The following POU2F3 variants were observed in gnomAD, a reference collection of about 807,000 sequenced individuals.
POU2F3 encodes the protein POU class 2 homeobox 3, also known as POU domain, class 2, transcription factor 3.
In POU2F3, 23 loss-of-function variants were observed where a neutral mutation model predicts 59.2. The ratio of observed to expected loss-of-function variants is 0.39; its 90% CI spans 0.28 to 0.55. The LOEUF is 0.55. POU2F3 is among the 20% of genes least tolerant of loss of function. POU2F3 has a pLI of 0.66. For synonymous variants in POU2F3, 190 were observed against 214.6 expected (o/e 0.89, Z 1.00); for missense variants, 473 against 544.5 (o/e 0.87, Z 1.31).
At chr11:120,288,128 C>CAAAAAAAAAAAAAAAAAAAAAAACA in intron 3 of POU2F3, among the ~76,000 whole-genome samples, 1 of 63,330 alleles carries the variant, frequency 1.6e-5, no homozygotes, top group African/African-American at 6.9e-5. Context: ...ACAAAAAAAC[C>CAAAAAAAAAAAAAAAAAAAAAAACA]AAAAAAAAAA....
intron 3 of POU2F3, among the ~76,000 whole-genome samples, chr11:120,281,437 C>G (rs1940566534): frequency 6.6e-6 from 1 of 151,838 alleles, no homozygotes; most frequent in South Asian, 2.1e-4. Flanking sequence ...AGGGGCTGTG[C>G]TCACTACAGG....
chr11:120,284,008 T>C (rs1020778999), intron 3 of POU2F3, among the ~76,000 whole-genome samples: 6 of 151,916 alleles, frequency 3.9e-5, no homozygotes, highest in Non-Finnish European at 7.4e-5. Flanking sequence ...TAAAACCCCA[T>C]CTCTACTAAA....
At chr11:120,298,125 C>A in intron 3 of POU2F3, 140 bp from the exon 4 acceptor site, 1 of 1,100,060 alleles carries the variant, frequency 9.1e-7, no homozygotes, top group Non-Finnish European at 1.3e-6. Context: ...GAAAAGTAAG[C>A]TGCAGCCCAG....
At chr11:120,306,198 G>A (rs1249489181) in intron 8 of POU2F3, among the ~76,000 whole-genome samples, 3 of 152,304 alleles carry the variant, frequency 2.0e-5, no homozygotes, top group Admixed American at 6.5e-5. Flanking sequence ...GGAGACCACA[G>A]GCACGACACA....
chr11:120,311,542 GGGTAGAT>G (rs1227239140), intron 10 of POU2F3, among the ~76,000 whole-genome samples: 1 of 152,180 alleles, frequency 6.6e-6, no homozygotes, highest in Non-Finnish European at 1.5e-5. Context: ...TGGGCTAACT[GGGTAGAT>G]GGTATTGCCA....
intron 3 of POU2F3, among the ~76,000 whole-genome samples, chr11:120,271,874 A>G (rs1181857919): frequency 1.3e-5 from 2 of 152,182 alleles, no homozygotes; most frequent in Non-Finnish European, 2.9e-5. Flanking sequence ...AAGAACAGAC[A>G]CGACAGATCT....
rs372543314 is a variant in POU2F3, at chr11:120,298,313, C to T, written c.181C>T (p.Arg61Trp). The T allele has an allele frequency of 5.3e-5, 86 of 1,613,516 alleles. No individual in the cohort carries two copies. Among genetic ancestry groups the T allele is most frequent in the Non-Finnish European group, 7.0e-5 (82 of 1,179,772 alleles). The change falls in exon 4 of 13, where the codon CGG becomes TGG. Residue 61 changes from arginine (R) to tryptophan (W), a missense_variant. By Grantham distance (101) the Arg-to-Trp change is moderately radical (BLOSUM62 -3). Coordinates refer to ENST00000543440, the MANE Select transcript of POU2F3 (RefSeq NM_014352.4). ...CTCCCTGCAGCAGACCCTCTCCCAT[C>T]GGCCATGCCACCTGAGTCAAGGACC... ...SDSLQQTLSHRPCHLSQGPAM... is the reference protein window; with the variant it reads ...SDSLQQTLSHWPCHLSQGPAM...
rs111644309 is a variant in POU2F3 at position 120,266,928 on chromosome 11, G to A, written c.98-2282G>A. 4.5e-3 allele frequency among the ~76,000 whole-genome samples: 687 copies of A among 152,352 alleles called. 6 individuals carry two copies. The highest frequency in any genetic ancestry group is 0.016 in the African/African-American group (649 of 41,574). ...TGGAACAGCACCTTGCACATAGACT[G>A]TGCTTAGTAAATACTTGTTGAATTA... On this transcript the variant is annotated intron_variant, in intron 2 of 12. Coordinates refer to ENST00000543440, the MANE Select transcript of POU2F3 (RefSeq NM_014352.4).
chr11:120,295,036 A>G (rs1051730327), intron 3 of POU2F3, among the ~76,000 whole-genome samples: 1 of 152,234 alleles, frequency 6.6e-6, no homozygotes, highest in Non-Finnish European at 1.5e-5. Context: ...AAAGCCCCCA[A>G]ACTTACACCC....
chr11:120,274,120 G>GAAGGAAGA (rs1940219709), intron 3 of POU2F3, among the ~76,000 whole-genome samples: 1 of 106,338 alleles, frequency 9.4e-6, no homozygotes, highest in Non-Finnish European at 2.0e-5. Context: ...AGGAAGGAAG[G>GAAGGAAGA]AAGGAAGGAA....
chr11:120,241,243 C>A (rs1938649723), intron 1 of POU2F3, among the ~76,000 whole-genome samples: 1 of 152,238 alleles, frequency 6.6e-6, no homozygotes, highest in Non-Finnish European at 1.5e-5. Context: ...AACTTACTCT[C>A]AAAGTGGGCA....
At chr11:120,251,762 A>G (rs1157890331) in intron 2 of POU2F3, among the ~76,000 whole-genome samples, 2 of 151,524 alleles carry the variant, frequency 1.3e-5, no homozygotes, top group Non-Finnish European at 2.9e-5. Flanking sequence ...TATCTCTAAG[A>G]AAAACCAACC....
At chr11:120,279,157 G>T (rs556046479) in intron 3 of POU2F3, among the ~76,000 whole-genome samples, 3 of 151,902 alleles carry the variant, frequency 2.0e-5, no homozygotes, top group Admixed American at 1.3e-4. Context: ...TTAAAGACAG[G>T]CTTGCCAGAC....
chr11:120,253,821 A>G (rs1939220770), intron 2 of POU2F3, among the ~76,000 whole-genome samples: 1 of 152,188 alleles, frequency 6.6e-6, no homozygotes, highest in African/African-American at 2.4e-5. Flanking sequence ...CTCCGTGAGC[A>G]ATGGCTCCAC....
chr11:120,276,133 G>GC (rs1370670841), intron 3 of POU2F3, among the ~76,000 whole-genome samples: 2 of 152,064 alleles, frequency 1.3e-5, no homozygotes, highest in African/African-American at 2.4e-5. Context: ...CAGAGTAAGT[G>GC]CCCCCCCACA....
chr11:120,258,694 G>A (rs1939458515), intron 2 of POU2F3, among the ~76,000 whole-genome samples: 2 of 152,178 alleles, frequency 1.3e-5, no homozygotes, highest in South Asian at 2.1e-4. Flanking sequence ...TTTTGATTGG[G>A]AACTTGGATC....
At chr11:120,278,629 G>C (rs2135225632) in intron 3 of POU2F3, among the ~76,000 whole-genome samples, 1 of 152,272 alleles carries the variant, frequency 6.6e-6, no homozygotes, top group East Asian at 1.9e-4. Context: ...CAGAGCAAGG[G>C]GTGTGTAAAC....
intron 2 of POU2F3, among the ~76,000 whole-genome samples, chr11:120,257,171 A>G (rs748105473): frequency 1.3e-5 from 2 of 152,160 alleles, no homozygotes; most frequent in Non-Finnish European, 2.9e-5. Flanking sequence ...GTGTTGGAAA[A>G]TTCTCTGATC....
At chr11:120,302,472 TGGGG>T in intron 6 of POU2F3, 104 bp downstream of exon 6, 13 of 1,069,536 alleles carry the variant, frequency 1.2e-5, no homozygotes, top group Non-Finnish European at 1.8e-5. Context: ...CTAACCCCTC[TGGGG>T]AGAGGGGATA....
Sources: allele counts gnomAD v4.1 joint callset (sites outside exome capture counted in the v4.1 genomes callset), GRCh38; gene constraint gnomAD v4.1.1; transcripts MANE v1.5; gene names NCBI Gene and HGNC (gene_info 2026-07-23, HGNC 2026-07-21).